Variants in GYG2 observed in about 807,000 individuals in gnomAD.
The protein encoded by GYG2 is glycogenin-2.
A neutral mutation model predicts 29.4 loss-of-function variants in GYG2; 29 were observed. The observed-to-expected ratio is 0.99, with a 90% CI of 0.74 to 1.35. The LOEUF (loss-of-function observed/expected upper bound fraction) is 1.35. Ranked by LOEUF, GYG2 falls within the 40% of genes most tolerant of loss-of-function variation. GYG2 has a pLI of 0.00. For synonymous variants in GYG2, 167 were observed against 172.3 expected (o/e 0.97, Z 0.24); for missense variants, 370 against 385.7 (o/e 0.96, Z 0.34).
chrX:2,880,910 A>G, intron 10 of GYG2, 142 bp from the exon 11 acceptor site: 1 of 517,594 alleles, frequency 1.9e-6, no homozygotes, highest in Admixed American at 3.2e-5. Flanking sequence ...CTCATTAAAA[A>G]CAAAGTGCTA....
chrX:2,850,137 A>G (rs1015785882), intron 3 of GYG2, among the ~76,000 whole-genome samples: 3 of 110,013 alleles, frequency 2.7e-5, no homozygotes, highest in African/African-American at 9.9e-5. Context: ...TAATAATGAT[A>G]ATGATAATGA....
intron 2 of GYG2, among the ~76,000 whole-genome samples, chrX:2,840,502 G>C (rs745912785): frequency 8.9e-6 from 1 of 112,128 alleles, no homozygotes; most frequent in South Asian, 3.7e-4. Flanking sequence ...AATGTCTAAA[G>C]AAGTAGTAAT....
intron 3 of GYG2, among the ~76,000 whole-genome samples, chrX:2,850,963 A>T (rs184050894): frequency 1.3e-4 from 14 of 111,734 alleles, no homozygotes; most frequent in Non-Finnish European, 2.4e-4. Flanking sequence ...AAAATCTGAT[A>T]TATGTAAAAA....
At position 2,877,943 on chromosome X, in the gene GYG2, T is replaced by C. The variant is rs189208282; in HGVS notation, c.1251+636T>C. 79 of 748,987 alleles carry C rather than the reference T, an allele frequency of 1.1e-4. No individual in the cohort carries two copies. In the African/African-American group the frequency reaches 1.7e-3, roughly 16 times the overall value. 61.7% of individuals were successfully genotyped at this position (748,987 alleles called of 1,213,427 possible). ...TGGTATTGAACGCATGTTTAGAGTG[T>C]GACCTACTGTGTTGGCTAAATGCCT... is the stretch of plus-strand genomic sequence containing the variant. On this transcript the variant is annotated intron_variant, in intron 10 of 10. Coordinates refer to ENST00000398806, the MANE Select transcript of GYG2 (RefSeq NM_001079855.2).
chrX:2,872,372 T>C (rs1209490083), intron 8 of GYG2, among the ~76,000 whole-genome samples: 1 of 107,647 alleles, frequency 9.3e-6, no homozygotes, highest in African/African-American at 3.4e-5. Flanking sequence ...GGGGGAAGTG[T>C]CTACTTTTTA....
At chrX:2,838,916 T>C (rs1008303041) in intron 2 of GYG2, among the ~76,000 whole-genome samples, 1 of 112,456 alleles carries the variant, frequency 8.9e-6, no homozygotes. Context: ...TATGTCTGCC[T>C]GTCTGTTCCT....
intron 3 of GYG2, among the ~76,000 whole-genome samples, chrX:2,852,259 A>C (rs2087888054): frequency 8.9e-6 from 1 of 111,816 alleles, no homozygotes; most frequent in African/African-American, 3.2e-5. Context: ...CCTGTATCAA[A>C]AAGAAAACTT....
intron 2 of GYG2, among the ~76,000 whole-genome samples, chrX:2,830,725 A>C (rs975317457): frequency 9.0e-6 from 1 of 111,591 alleles, no homozygotes; most frequent in Non-Finnish European, 1.9e-5. Context: ...GTTTGAGACC[A>C]TCCTGGGCAA....
chrX:2,835,627 G>A (rs1456007741), intron 2 of GYG2, among the ~76,000 whole-genome samples: 2 of 111,222 alleles, frequency 1.8e-5, no homozygotes, highest in Admixed American at 9.5e-5. Flanking sequence ...GGAGTTGGAG[G>A]CAGAGATTGG....
intron 4 of GYG2, 61 bp from the exon 5 acceptor site, chrX:2,854,932 A>G: frequency 8.6e-7 from 1 of 1,161,017 alleles, no homozygotes; most frequent in Non-Finnish European, 1.2e-6. Context: ...ACTCTGTCTC[A>G]AAAACAGAAG....
At position 2,851,401 on chromosome X, in the gene GYG2, A is replaced by G. The variant is rs185433599; in HGVS notation, c.150-2579A>G. 4.3e-3 allele frequency among the ~76,000 whole-genome samples: 481 copies of G among 111,012 alleles called. 3 individuals carry two copies. The highest frequency in any genetic ancestry group is 0.015 in the African/African-American group (452 of 30,534). On this transcript the variant is annotated intron_variant, in intron 3 of 10. Coordinates refer to ENST00000398806, the MANE Select transcript of GYG2 (RefSeq NM_001079855.2). Reference sequence around the variant, plus strand: ...GCTGGGATTAGTTTCCCGCCACCGCACCCGGCTAGTTTTTGTATTTTTAGT... The same window carrying G: ...GCTGGGATTAGTTTCCCGCCACCGCGCCCGGCTAGTTTTTGTATTTTTAGT...
intron 3 of GYG2, among the ~76,000 whole-genome samples, chrX:2,846,199 T>C (rs1289667607): frequency 1.0e-5 from 1 of 99,824 alleles, no homozygotes; most frequent in Non-Finnish European, 2.0e-5. Context: ...TCCAAGTAGC[T>C]GGGATTACAG....
Position 2,882,735 on chromosome X carries a change from G to A in GYG2, c.*1522G>A, listed in dbSNP as rs1004820456. 4 of 110,096 alleles carry A rather than the reference G, an allele frequency of 3.6e-5. No individual in the cohort carries two copies. The highest frequency in any genetic ancestry group is 6.6e-5 in the African/African-American group (2 of 30,180). The allele number at this position is 110,096 out of a possible 1,213,427, so 9.1% of individuals were successfully genotyped here. A position where few individuals can be genotyped will look rare whatever the true frequency, so the allele number is the denominator to read the frequency against. ...TGAGTTGGCTTATGGAGTGAGTCCA[G>A]TCTGGAATTCCGCCGTGCATTCTAG... On this transcript the variant is annotated 3_prime_UTR_variant, in exon 11 of 11. Coordinates refer to ENST00000398806, the MANE Select transcript of GYG2 (RefSeq NM_001079855.2).
chrX:2,878,130 T>C, intron 10 of GYG2: 2 of 745,994 alleles, frequency 2.7e-6, no homozygotes, highest in Non-Finnish European at 3.2e-6. Flanking sequence ...GTTCCATCCT[T>C]GTGGTCATCA....
intron 2 of GYG2, among the ~76,000 whole-genome samples, 197 bp downstream of exon 2, chrX:2,830,392 T>C (rs1253117017): frequency 9.0e-6 from 1 of 111,699 alleles, no homozygotes; most frequent in Non-Finnish European, 1.9e-5. Flanking sequence ...GAGGGGGTGA[T>C]TTACAGCAAG....
In GYG2 at chrX:2,830,126, C is replaced by T; in HGVS notation, c.-63C>T. ...CTCTGCGGGTTCGTGGCGAGGAAGT[C>T]CACCCACTGCTCCCGGGCGCAGGTC... On this transcript the variant is annotated 5_prime_UTR_variant, in exon 2 of 11. Transcript: ENST00000398806. 8.7e-7 allele frequency: 1 copy of T among 1,151,250 alleles called. No homozygotes were observed. The highest frequency in any genetic ancestry group is 1.8e-5 in the South Asian group (1 of 55,005). The allele number at this position is 1,151,250 out of a possible 1,213,427, so 94.9% of individuals were successfully genotyped here.
At position 2,841,398 on chromosome X, in the gene GYG2, TGATA is replaced by T. The variant is rs1207316411; in HGVS notation, c.8-1810_8-1807del. Among the ~76,000 whole-genome samples, 7 of 109,231 alleles carry T rather than the reference TGATA, an allele frequency of 6.4e-5. No homozygotes were observed. In the East Asian group the frequency reaches 1.5e-3, roughly 23 times the overall value. The allele number at this position is 109,231 out of a possible 115,157, so 94.9% of individuals were successfully genotyped here. On this transcript the variant is annotated intron_variant, in intron 2 of 10. Transcript: ENST00000398806. ...GATGATGGATGGATGGATAGATAGA[TGATA>T]GATAAATAGATGAATGGATGGATGG...
At chrX:2,878,333 C>A in intron 10 of GYG2, 1 of 226,486 alleles carries the variant, frequency 4.4e-6, no homozygotes, top group Non-Finnish European at 6.4e-6. Context: ...CTGTGTAGCC[C>A]AGGCTGGAGT....
chrX:2,842,994 G>A (rs867897793), intron 2 of GYG2: 4 of 453,808 alleles, frequency 8.8e-6, no homozygotes, highest in Admixed American at 3.0e-5. Context: ...TGTATTTTTC[G>A]TAGAGACAGA....
Sources: allele counts gnomAD v4.1 joint callset (sites outside exome capture counted in the v4.1 genomes callset), GRCh38; gene constraint gnomAD v4.1.1; transcripts MANE v1.5; gene names NCBI Gene and HGNC (gene_info 2026-07-23, HGNC 2026-07-21).